Variants in FBLN1 observed in about 807,000 individuals in gnomAD.
The protein encoded by FBLN1 is fibulin 1.
A neutral mutation model predicts 89.7 loss-of-function variants in FBLN1; 34 were observed. That is an observed-to-expected ratio of 0.38 (90% CI 0.29 to 0.50). The LOEUF (loss-of-function observed/expected upper bound fraction) is 0.50. Ranked by LOEUF, FBLN1 falls within the 20% of genes least tolerant of loss-of-function variation. FBLN1 has a pLI of 0.92. For missense variants in FBLN1, 777 were observed against 988.1 expected, an observed-to-expected ratio of 0.79 and a Z score of 2.86; for synonymous variants, 393 against 391.3, an observed-to-expected ratio of 1.00 and a Z score of -0.05.
chr22:45,579,864 C>G lies in FBLN1; in HGVS notation c.1972+2756C>G, dbSNP rs1254288093. ...AACTTCCATACATCCTGGGAGCTTC[C>G]TGGTCCCTAGGGGCAGCCATCCCGG... On this transcript the variant is annotated intron_variant, in intron 16 of 16. Coordinates refer to ENST00000327858, the MANE Select transcript of FBLN1 (RefSeq NM_006486.3). This position sits in a 1 kb window ranked among gnomAD's most constrained non-coding sequence, Gnocchi z 5.5. Among the ~76,000 whole-genome samples the G allele has an allele frequency of 6.6e-6, 1 of 152,070 alleles. No homozygotes were observed. The highest frequency in any genetic ancestry group is 2.4e-5 in the African/African-American group (1 of 41,424).
intron 12 of FBLN1, among the ~76,000 whole-genome samples, chr22:45,547,692 G>A (rs1224378829): frequency 1.3e-5 from 2 of 152,002 alleles, no homozygotes; most frequent in East Asian, 3.9e-4. Context: ...GAGCCACCGT[G>A]CCTGGCCCCC....
At chr22:45,510,593 G>A (rs2088086110) in intron 1 of FBLN1, among the ~76,000 whole-genome samples, 1 of 152,102 alleles carries the variant, frequency 6.6e-6, no homozygotes, top group Non-Finnish European at 1.5e-5. Flanking sequence ...ATGGGATCAG[G>A]CATTGCCCAA....
chr22:45,586,845 C>T (rs2089090774), intron 16 of FBLN1, among the ~76,000 whole-genome samples: 1 of 152,106 alleles, frequency 6.6e-6, no homozygotes, highest in Non-Finnish European at 1.5e-5. Flanking sequence ...GGGTGGGGTC[C>T]TAGTGATGCC....
chr22:45,518,059 G>A (rs1368443644), intron 1 of FBLN1, among the ~76,000 whole-genome samples: 20 of 148,666 alleles, frequency 1.3e-4, no homozygotes, highest in Non-Finnish European at 3.0e-4. Flanking sequence ...TCGAACCTGG[G>A]AGGTGGAGGT....
rs2088959917 is a variant in FBLN1, at chr22:45,572,446, A to G, written c.1698-2065A>G. ...CATACTGATTTTTTTTTCCCCAAAAATCCTTTGGAGAATGATAGCACACTA... is the reference window on the plus strand; with the variant it reads ...CATACTGATTTTTTTTTCCCCAAAAGTCCTTTGGAGAATGATAGCACACTA... On this transcript the variant is annotated intron_variant, in intron 14 of 16. Coordinates refer to ENST00000327858, the MANE Select transcript of FBLN1 (RefSeq NM_006486.3). The surrounding 1 kb of genome is among the most constrained non-coding windows in gnomAD (Gnocchi z 5.8). Among the ~76,000 whole-genome samples, 1 of 152,182 alleles carries G rather than the reference A, an allele frequency of 6.6e-6. No individual in the cohort carries two copies. Among genetic ancestry groups the G allele is most frequent in the African/African-American group, 2.4e-5 (1 of 41,450 alleles).
chr22:45,509,081 C>T (rs571439721), intron 1 of FBLN1, among the ~76,000 whole-genome samples: 8 of 152,284 alleles, frequency 5.3e-5, no homozygotes, highest in African/African-American at 1.7e-4. Flanking sequence ...GAGCAAGCGT[C>T]CTGGGACCCT....
intron 16 of FBLN1, among the ~76,000 whole-genome samples, chr22:45,598,746 C>T (rs555175985): frequency 1.2e-4 from 19 of 152,344 alleles, no homozygotes; most frequent in Admixed American, 3.3e-4. Context: ...TGTGTGCATG[C>T]GAAGGGGATC....
chr22:45,519,739 G>A (rs1271784274), intron 2 of FBLN1, among the ~76,000 whole-genome samples: 3 of 152,024 alleles, frequency 2.0e-5, no homozygotes, highest in South Asian at 2.1e-4. Context: ...TCTGTGTACC[G>A]TCTGCACGGA....
chr22:45,596,679 CATA>C (rs1331163987), intron 16 of FBLN1, among the ~76,000 whole-genome samples: 7 of 132,808 alleles, frequency 5.3e-5, no homozygotes, highest in African/African-American at 1.4e-4. Flanking sequence ...CATATAGCAA[CATA>C]ATATGATAAT....
chr22:45,586,288 C>T (rs1269432675), intron 16 of FBLN1, among the ~76,000 whole-genome samples: 1 of 152,222 alleles, frequency 6.6e-6, no homozygotes, highest in East Asian at 1.9e-4. Flanking sequence ...CGGCGGGGTA[C>T]AGCCCGCTCA....
intron 1 of FBLN1, among the ~76,000 whole-genome samples, chr22:45,506,102 G>A (rs1237271922): frequency 1.3e-5 from 2 of 152,306 alleles, no homozygotes; most frequent in East Asian, 3.9e-4. Context: ...TATTATTCCT[G>A]TTGTCCCCTT....
At chr22:45,554,843 G>A (rs1011213581) in intron 14 of FBLN1, among the ~76,000 whole-genome samples, 12 of 152,234 alleles carry the variant, frequency 7.9e-5, no homozygotes, top group Non-Finnish European at 1.8e-4. Context: ...GACGACCCCT[G>A]TCCCATCTTG....
intron 9 of FBLN1, 101 bp downstream of exon 9, chr22:45,541,473 C>A: frequency 1.4e-6 from 2 of 1,436,242 alleles, no homozygotes; most frequent in Admixed American, 1.9e-5. Flanking sequence ...AAAGCAAAGC[C>A]ATTTCTATCA....
chr22:45,587,117 C>CA (rs1569266961), intron 16 of FBLN1, among the ~76,000 whole-genome samples: 1 of 151,366 alleles, frequency 6.6e-6, no homozygotes, highest in East Asian at 2.0e-4. Flanking sequence ...CTCCCCTCGT[C>CA]ATGTACGTGC....
At chr22:45,522,020 C>G (rs2088258348) in intron 2 of FBLN1, among the ~76,000 whole-genome samples, 1 of 151,910 alleles carries the variant, frequency 6.6e-6, no homozygotes, top group Admixed American at 6.6e-5. Context: ...GAGTCTGGCC[C>G]TGTCGCCCAG....
rs979832346 is a variant in FBLN1 at position 45,556,829 on chromosome 22, C to G, written c.1697+6214C>G. 1.3e-5 allele frequency among the ~76,000 whole-genome samples: 2 copies of G among 152,106 alleles called. No individual in the cohort carries two copies. The highest frequency in any genetic ancestry group is 2.4e-5 in the African/African-American group (1 of 41,424). ...TCCCTCTGGAACTAAGACCTCTAGG[C>G]CAGCAGAACGTAATGTTGCAGGAAC... is the stretch of plus-strand genomic sequence containing the variant. On this transcript the variant is annotated intron_variant, in intron 14 of 16. Coordinates refer to ENST00000327858, the MANE Select transcript of FBLN1 (RefSeq NM_006486.3). This position sits in a 1 kb window ranked among gnomAD's most constrained non-coding sequence, Gnocchi z 4.6.
At chr22:45,543,098 C>G (rs1430395226) in intron 10 of FBLN1, among the ~76,000 whole-genome samples, 4 of 152,266 alleles carry the variant, frequency 2.6e-5, no homozygotes, top group African/African-American at 7.2e-5. Flanking sequence ...GAAACCTCAT[C>G]TCTACAAAAA....
chr22:45,564,236 T>A (rs190681009), intron 14 of FBLN1, among the ~76,000 whole-genome samples: 1 of 152,160 alleles, frequency 6.6e-6, no homozygotes, highest in South Asian at 2.1e-4. Flanking sequence ...GCCAAGCCAG[T>A]CATCTGTCCC....
chr22:45,567,010 C>T lies in FBLN1; in HGVS notation c.1698-7501C>T, dbSNP rs557272657. On this transcript the variant is annotated intron_variant, in intron 14 of 16. Transcript: ENST00000327858. ...TAGGGAAGCAAGCAGTGCTAATATC[C>T]CCATTCCACAGTGAGGACAGGGAGG... 4.6e-5 allele frequency among the ~76,000 whole-genome samples: 7 copies of T among 152,320 alleles called. No individual in the cohort carries two copies. In the South Asian group the frequency reaches 1.5e-3, roughly 32 times the overall value.
Sources: gnomAD v4.1 joint callset for allele counts (sites outside exome capture counted in the v4.1 genomes callset) on GRCh38, gnomAD v4.1.1 for gene constraint, Gnocchi (gnomAD v3.1) non-coding constraint, MANE v1.5 for transcripts, NCBI Gene and HGNC (gene_info 2026-07-23, HGNC 2026-07-21) for gene names.